Variants in ILDR2 observed in about 807,000 individuals in gnomAD.
The protein encoded by ILDR2 is immunoglobulin like domain containing receptor 2.
In ILDR2, 25 loss-of-function variants were observed where a neutral mutation model predicts 66.8. The ratio of observed to expected loss-of-function variants is 0.37; its 90% confidence interval spans 0.27 to 0.52. The LOEUF (loss-of-function observed/expected upper bound fraction) is 0.52. Among genes scored for constraint, ILDR2 ranks in the 20% least tolerant of loss-of-function variants. The probability of loss-of-function intolerance (pLI) is 0.88; values close to 1 mark genes in which losing one functional copy is unlikely to be tolerated. For synonymous variants in ILDR2, 367 were observed against 357.2 expected, an observed-to-expected ratio of 1.03 and a Z score of -0.31; for missense variants, 827 against 876.8, an observed-to-expected ratio of 0.94 and a Z score of 0.72.
In ILDR2 at chr1:166,936,453, C is replaced by T. The variant is rs1309121079; in HGVS notation, c.703+138G>A. The T allele has an allele frequency of 3.8e-6, 5 of 1,321,590 alleles. No individual in the cohort carries two copies. Among genetic ancestry groups the T allele is most frequent in the East Asian group, 5.0e-5 (2 of 39,978 alleles). The allele number at this position is 1,321,590 out of a possible 1,614,324, so 81.9% of individuals were successfully genotyped here. A position where few individuals can be genotyped will look rare whatever the true frequency, so the allele number is the denominator to read the frequency against. On this transcript the variant is annotated intron_variant, in intron 5 of 9. Coordinates refer to ENST00000271417, the MANE Select transcript of ILDR2 (RefSeq NM_199351.3). The surrounding 1 kb of genome is among the most constrained non-coding windows in gnomAD (Gnocchi z 5.0). ...CATCCCTGAGGCCAGGGGCACCCAG[C>T]GGAGAAGAGTCTGGAATGACCAATC...
At chr1:166,955,284 C>A (rs1318377669) in intron 3 of ILDR2, among the ~76,000 whole-genome samples, 2 of 152,154 alleles carry the variant, frequency 1.3e-5, no homozygotes, top group Non-Finnish European at 2.9e-5. Context: ...ATAAGGCAGA[C>A]CATTATCACC....
In ILDR2 at chr1:166,921,398, G is replaced by A; in HGVS notation, c.1212-19C>T. On this transcript the variant is annotated intron_variant, in intron 8 of 9. Coordinates refer to ENST00000271417, the MANE Select transcript of ILDR2 (RefSeq NM_199351.3). The surrounding 1 kb of genome is among the most constrained non-coding windows in gnomAD (Gnocchi z 5.3). Reference sequence around the variant, plus strand: ...CGGCTGGCTGCGGGCAGAGAAGGAGGGGGTCAGACGGCCGGTCCCTCCCTG... The same window carrying A: ...CGGCTGGCTGCGGGCAGAGAAGGAGAGGGTCAGACGGCCGGTCCCTCCCTG... 6.5e-7 allele frequency: 1 copy of A among 1,531,208 alleles called. No individual in the cohort carries two copies. The highest frequency in any genetic ancestry group is 1.2e-5 in the South Asian group (1 of 80,426). The allele number at this position is 1,531,208 out of a possible 1,614,324, so 94.9% of individuals were successfully genotyped here.
intron 1 of ILDR2, among the ~76,000 whole-genome samples, chr1:166,961,611 A>T (rs1476499056): frequency 6.6e-6 from 1 of 152,176 alleles, no homozygotes; most frequent in African/African-American, 2.4e-5. Context: ...AATAATAGTA[A>T]CTACCTTATG....
rs1041308637 is a variant in ILDR2, at chr1:166,921,337, G to A, written c.1254C>T (p.Phe418=). 6.3e-7 allele frequency: 1 copy of A among 1,584,244 alleles called. No homozygotes were observed. Among genetic ancestry groups the A allele is most frequent in the Non-Finnish European group, 8.6e-7 (1 of 1,161,822 alleles). The change falls in exon 9 of 10, where the codon TTC becomes TTT. Residue 418 remains phenylalanine, a synonymous_variant. Transcript: ENST00000271417. This position sits in a 1 kb window ranked among gnomAD's most constrained non-coding sequence, Gnocchi z 5.3. ...TGGAAACGGCCGGCACCCCCGTGGC[G>A]AAGTTCTTCCGCGACAGCATCTCCG... ...SKSEMLSRKN[F]ATGVPAVSMD... is the part of the protein sequence containing the mutation.
chr1:166,950,030 C>T (rs1661877948), intron 3 of ILDR2, among the ~76,000 whole-genome samples: 11 of 152,212 alleles, frequency 7.2e-5, no homozygotes, highest in Admixed American at 5.9e-4. Context: ...GGGGAATCAA[C>T]TCTACTGACG....
Position 166,916,535 on chromosome 1 carries a change from T to C in ILDR2, c.*2820A>G, listed in dbSNP as rs1017432386. ...AGCTAACAAATATAACCATTTCCTGTGCAGGACACACTATTCAAAGGAGAA... is the reference window on the plus strand; with the variant it reads ...AGCTAACAAATATAACCATTTCCTGCGCAGGACACACTATTCAAAGGAGAA... On this transcript the variant is annotated 3_prime_UTR_variant, in exon 10 of 10. Coordinates refer to ENST00000271417, the MANE Select transcript of ILDR2 (RefSeq NM_199351.3). 2.0e-5 allele frequency: 3 copies of C among 152,242 alleles called. No individual in the cohort carries two copies. The highest frequency in any genetic ancestry group is 7.2e-5 in the African/African-American group (3 of 41,464). The allele number at this position is 152,242 out of a possible 1,614,324, so 9.4% of individuals were successfully genotyped here. A position where few individuals can be genotyped will look rare whatever the true frequency, so the allele number is the denominator to read the frequency against.
intron 6 of ILDR2, among the ~76,000 whole-genome samples, chr1:166,931,514 T>G (rs1660638222): frequency 6.6e-6 from 1 of 152,200 alleles, no homozygotes; most frequent in Non-Finnish European, 1.5e-5. Flanking sequence ...CCTACTTGCC[T>G]ACTCAATTCT....
intron 1 of ILDR2, among the ~76,000 whole-genome samples, chr1:166,974,975 T>C (rs955236148): frequency 6.6e-6 from 1 of 152,012 alleles, no homozygotes. Flanking sequence ...TGCATCTAGA[T>C]GCGTCTCACT....
chr1:166,935,031 A>G (rs1295434995), intron 6 of ILDR2, among the ~76,000 whole-genome samples: 1 of 152,172 alleles, frequency 6.6e-6, no homozygotes, highest in Non-Finnish European at 1.5e-5. Flanking sequence ...TAACTGAATA[A>G]TCAACATTCA....
chr1:166,923,126 G>C lies in ILDR2; in HGVS notation c.995-317C>G, dbSNP rs1268535179. 4.6e-5 allele frequency among the ~76,000 whole-genome samples: 7 copies of C among 152,190 alleles called. No homozygotes were observed. In the East Asian group the frequency reaches 1.3e-3, roughly 29 times the overall value. On this transcript the variant is annotated intron_variant, in intron 7 of 9. Transcript: ENST00000271417. ...GATCTCTGTTGCTGGCCTCCTCCTAGTACATCATCATCCTTGTTCAAATGT... is the reference window on the plus strand; with the variant it reads ...GATCTCTGTTGCTGGCCTCCTCCTACTACATCATCATCCTTGTTCAAATGT...
At chr1:166,970,483 A>T (rs1002046911) in intron 1 of ILDR2, among the ~76,000 whole-genome samples, 1 of 152,198 alleles carries the variant, frequency 6.6e-6, no homozygotes, top group Non-Finnish European at 1.5e-5. Flanking sequence ...GCTGAAGTTA[A>T]CTTTAAAAAT....
chr1:166,945,551 T>C (rs1371977931), intron 3 of ILDR2, among the ~76,000 whole-genome samples: 1 of 152,222 alleles, frequency 6.6e-6, no homozygotes, highest in Non-Finnish European at 1.5e-5. Flanking sequence ...AAATAACACA[T>C]AAAACTTTCA....
At chr1:166,907,367 A>T (rs1246670746), downstream of ILDR2, among the ~76,000 whole-genome samples, 1 of 152,208 alleles carries the variant, frequency 6.6e-6, no homozygotes, top group Non-Finnish European at 1.5e-5. Flanking sequence ...GCCTACTGTG[A>T]CTGACTTGAG....
intron 2 of ILDR2, 95 bp downstream of exon 2, chr1:166,957,674 G>A: frequency 9.2e-7 from 1 of 1,089,312 alleles, no homozygotes; most frequent in Non-Finnish European, 1.3e-6. Context: ...CTGAAAGGGT[G>A]AGAGGCTAGA....
intron 1 of ILDR2, among the ~76,000 whole-genome samples, chr1:166,961,503 A>AT (rs1410615923): frequency 1.3e-5 from 2 of 152,234 alleles, no homozygotes; most frequent in Non-Finnish European, 2.9e-5. Flanking sequence ...AAAGGCATGG[A>AT]TTTTGCAGTC....
Position 166,921,206 on chromosome 1 carries a change from G to A in ILDR2, c.1385C>T (p.Ser462Leu), listed in dbSNP as rs1248557728. The part of the protein sequence containing the change: ...RGGSRFERSE[S>L]RAHSGFYQDD... ...CTGGTAGAAGCCGCTGTGCGCCCGCGACTCCGAGCGCTCGAAGCGGCTCCC... is the reference window on the plus strand; with the variant it reads ...CTGGTAGAAGCCGCTGTGCGCCCGCAACTCCGAGCGCTCGAAGCGGCTCCC... The change falls in exon 9 of 10, where the codon TCG becomes TTG. Residue 462 changes from serine (S) to leucine (L), a missense_variant. By Grantham distance (145) the Ser-to-Leu change is moderately radical. This residue lies in a region of ILDR2 where 390 missense variants were observed against 353.6 expected (regional missense o/e 1.10). Coordinates refer to ENST00000271417, the MANE Select transcript of ILDR2 (RefSeq NM_199351.3). This position sits in a 1 kb window ranked among gnomAD's most constrained non-coding sequence, Gnocchi z 5.3. The A allele has an allele frequency of 1.3e-6, 2 of 1,586,546 alleles. No homozygotes were observed. The highest frequency in any genetic ancestry group is 1.3e-5 in the African/African-American group (1 of 74,798).
chr1:166,939,584 A>G lies in ILDR2; in HGVS notation c.500-14T>C. 1 of 1,612,774 alleles carries G rather than the reference A, an allele frequency of 6.2e-7. No individual in the cohort carries two copies. Among genetic ancestry groups the G allele is most frequent in the East Asian group, 2.2e-5 (1 of 44,882 alleles). On this transcript the variant is annotated splice_polypyrimidine_tract_variant and intron_variant, in intron 3 of 9. Transcript: ENST00000271417. ...GCCCTGTCCTGCCTAGAAGAAGTGG[A>G]AGGAAAAGAAGAAGGAAAGTGGTTA...
At chr1:166,896,528 A>G (rs1201582560) in intron 2 of ILDR2, among the ~76,000 whole-genome samples, 1 of 135,902 alleles carries the variant, frequency 7.4e-6, no homozygotes, top group South Asian at 2.5e-4. Context: ...GTTCATGTAA[A>G]GTCAAAAATG....
intron 3 of ILDR2, among the ~76,000 whole-genome samples, chr1:166,954,821 C>G (rs182883664): frequency 1.3e-5 from 2 of 152,234 alleles, no homozygotes; most frequent in Admixed American, 6.5e-5. Flanking sequence ...CAGAGGAATG[C>G]CCTTCATATA....
Sources: allele counts gnomAD v4.1 joint callset (sites outside exome capture counted in the v4.1 genomes callset), GRCh38; gene constraint gnomAD v4.1.1; regional missense constraint gnomAD v4.1.1; non-coding constraint Gnocchi (gnomAD v3.1); transcripts MANE v1.5; gene names NCBI Gene and HGNC (gene_info 2026-07-23, HGNC 2026-07-21).